Variants in ADAM9 observed in about 807,000 individuals in gnomAD.
ADAM9 encodes the protein ADAM metallopeptidase domain 9, also known as disintegrin and metalloproteinase domain-containing protein 9.
Under a neutral mutation model 108.1 loss-of-function variants are expected in ADAM9, and 54 were observed. The observed-to-expected ratio is 0.50, with a 90% CI of 0.40 to 0.63. ADAM9 has a LOEUF of 0.63. ADAM9 is among the 20% of genes least tolerant of loss of function. The pLI, the probability that ADAM9 is intolerant of heterozygous loss-of-function variation, is 0.00. For missense variants in ADAM9, 830 were observed against 997.7 expected (o/e 0.83, Z 2.26); for synonymous variants, 316 against 336.0 (o/e 0.94, Z 0.65).
intron 12 of ADAM9, 42 bp from the exon 13 acceptor site, chr8:39,054,439 C>A: frequency 6.6e-7 from 1 of 1,525,808 alleles, no homozygotes; most frequent in Non-Finnish European, 9.1e-7. Flanking sequence ...GTATTCATGT[C>A]AATTACTAAT....
chr8:39,061,127 C>T (rs1207189046), intron 14 of ADAM9, among the ~76,000 whole-genome samples: 1 of 152,188 alleles, frequency 6.6e-6, no homozygotes. Context: ...TCTTTCAAGT[C>T]CTTGATGTTG....
intron 20 of ADAM9, 75 bp downstream of exon 20, chr8:39,091,421 A>G: frequency 7.9e-7 from 1 of 1,258,204 alleles, no homozygotes; most frequent in Non-Finnish European, 1.2e-6. Flanking sequence ...AAACACAGTT[A>G]TATAGCTATA....
chr8:39,101,774 A>G, intron 20 of ADAM9, 89 bp from the exon 21 acceptor site: 1 of 1,051,776 alleles, frequency 9.5e-7, no homozygotes, highest in Non-Finnish European at 1.4e-6. Context: ...TAGTCTGTTT[A>G]TTGATTTTAA....
At chr8:38,999,345 A>T (rs1164351886) in intron 1 of ADAM9, among the ~76,000 whole-genome samples, 2 of 151,078 alleles carry the variant, frequency 1.3e-5, no homozygotes, top group Non-Finnish European at 3.0e-5. Flanking sequence ...TTTTTTTTTA[A>T]ACTGACAAAG....
chr8:39,092,134 A>G (rs1188891343), intron 20 of ADAM9, among the ~76,000 whole-genome samples: 1 of 152,162 alleles, frequency 6.6e-6, no homozygotes, highest in Non-Finnish European at 1.5e-5. Flanking sequence ...ATCTGCATGT[A>G]TCCCTAAGCA....
intron 18 of ADAM9, among the ~76,000 whole-genome samples, chr8:39,088,402 C>G (rs1839243241): frequency 6.6e-6 from 1 of 151,990 alleles, no homozygotes; most frequent in African/African-American, 2.4e-5. Flanking sequence ...CTACAGGCGC[C>G]TGCCACCACG....
chr8:39,001,634 T>C (rs905558812), intron 1 of ADAM9, among the ~76,000 whole-genome samples: 2 of 151,502 alleles, frequency 1.3e-5, no homozygotes, highest in Non-Finnish European at 2.9e-5. Flanking sequence ...AGTGTAGACC[T>C]AGCAGTAGAA....
chr8:39,054,380 T>G, intron 12 of ADAM9, 101 bp from the exon 13 acceptor site: 1 of 1,025,930 alleles, frequency 9.7e-7, no homozygotes, highest in Non-Finnish European at 1.5e-6. Context: ...GCTACAATCA[T>G]GTTAGAATGA....
intron 14 of ADAM9, among the ~76,000 whole-genome samples, chr8:39,065,230 A>T (rs1370909920): frequency 4.4e-5 from 6 of 135,966 alleles, no homozygotes; most frequent in African/African-American, 5.9e-5. Flanking sequence ...TTTTTGACCT[A>T]CTTTCTGAGC....
At chr8:39,101,512 C>T (rs1839692942) in intron 20 of ADAM9, among the ~76,000 whole-genome samples, 1 of 152,152 alleles carries the variant, frequency 6.6e-6, no homozygotes, top group Non-Finnish European at 1.5e-5. Context: ...GAGAGTAACA[C>T]CTTTGCTTTC....
chr8:39,023,468 A>G, intron 9 of ADAM9, 143 bp downstream of exon 9: 2 of 827,816 alleles, frequency 2.4e-6, no homozygotes, highest in Non-Finnish European at 3.7e-6. Flanking sequence ...TGGCATTATC[A>G]TGAGACCTCT....
intron 5 of ADAM9, 47 bp downstream of exon 5, chr8:39,016,241 T>TA: frequency 6.7e-7 from 1 of 1,492,052 alleles, no homozygotes; most frequent in Non-Finnish European, 9.4e-7. Flanking sequence ...CCCTATGTCT[T>TA]ACCCTCTTTC....
intron 14 of ADAM9, among the ~76,000 whole-genome samples, chr8:39,069,248 A>T (rs892695769): frequency 4.9e-5 from 7 of 143,542 alleles, no homozygotes; most frequent in East Asian, 2.0e-4. Flanking sequence ...TTTATGAATT[A>T]AAAAAAAAAA....
intron 2 of ADAM9, among the ~76,000 whole-genome samples, chr8:39,010,840 G>A (rs1212956731): frequency 6.6e-6 from 1 of 152,176 alleles, no homozygotes; most frequent in African/African-American, 2.4e-5. Flanking sequence ...GTTTATGCCT[G>A]TAATCCCAGC....
At chr8:38,998,942 T>C (rs1001375936) in intron 1 of ADAM9, among the ~76,000 whole-genome samples, 2 of 152,174 alleles carry the variant, frequency 1.3e-5, no homozygotes, top group East Asian at 1.9e-4. Flanking sequence ...GGAAGTTCTT[T>C]GGGCAGTGGA....
chr8:39,077,833 A>G (rs1564358964), intron 16 of ADAM9, among the ~76,000 whole-genome samples: 1 of 152,162 alleles, frequency 6.6e-6, no homozygotes, highest in Admixed American at 6.5e-5. Context: ...TCAGCCCATG[A>G]CTTATTACTA....
chr8:39,054,352 T>C, intron 12 of ADAM9, 129 bp from the exon 13 acceptor site: 1 of 793,452 alleles, frequency 1.3e-6, no homozygotes, highest in South Asian at 1.5e-5. Flanking sequence ...AGTAAGCAAC[T>C]GTTTCTGGAG....
intron 16 of ADAM9, among the ~76,000 whole-genome samples, chr8:39,079,940 T>C (rs2129442125): frequency 6.6e-6 from 1 of 152,386 alleles, no homozygotes; most frequent in South Asian, 2.1e-4. Flanking sequence ...TTTCATGTCA[T>C]GTTTAGAAAA....
At chr8:39,035,383 T>C (rs1837237182) in intron 11 of ADAM9, among the ~76,000 whole-genome samples, 1 of 152,364 alleles carries the variant, frequency 6.6e-6, no homozygotes, top group East Asian at 1.9e-4. Flanking sequence ...AAATGTCTTA[T>C]GGCTATCATT....
Sources: allele counts gnomAD v4.1 joint callset (sites outside exome capture counted in the v4.1 genomes callset), GRCh38; gene constraint gnomAD v4.1.1; transcripts MANE v1.5; gene names NCBI Gene and HGNC (gene_info 2026-07-23, HGNC 2026-07-21).